SMAD9: variants seen among roughly 807,000 people sequenced by gnomAD.
SMAD9 encodes the protein SMAD family member 9, also known as MAD homolog 9.
SMAD9 carries 36 observed loss-of-function variants against 46.1 expected under a neutral mutation model. The observed-to-expected ratio is 0.78, with a 90% CI of 0.60 to 1.03. SMAD9 has a LOEUF of 1.03. Among genes scored for constraint, SMAD9 ranks in the 50% least tolerant of loss-of-function variants. SMAD9 has a pLI of 0.00. For synonymous variants in SMAD9, 245 were observed against 237.1 expected (o/e 1.03, Z -0.31); for missense variants, 572 against 599.8 (o/e 0.95, Z 0.48).
At position 36,879,480 on chromosome 13, in the gene SMAD9, C is replaced by T. The variant is rs755030932; in HGVS notation, c.210G>A (p.Thr70=). The part of the protein sequence containing the change: ...SCPGQPSKCV[T]IPRSLDGRLQ... ...GCCGCCCGTCCAGGGAGCGGGGAAT[C>T]GTGACGCATTTGCTGGGCTGCCCCG... The change falls in exon 2 of 7, where the codon ACG becomes ACA. Residue 70 remains threonine (T), a synonymous_variant. Transcript: ENST00000379826. 8 of 1,613,816 alleles carry T rather than the reference C, an allele frequency of 5.0e-6. No individual in the cohort carries two copies. The highest frequency in any genetic ancestry group is 1.3e-5 in the African/African-American group (1 of 74,948).
intron 1 of SMAD9, 26 bp from the exon 2 acceptor site, chr13:36,879,901 T>C (rs2058387996): frequency 1.7e-6 from 1 of 586,516 alleles, no homozygotes; most frequent in South Asian, 2.0e-5. Context: ...AGACTTCAAT[T>C]AGCTTAATCG....
chr13:36,913,783 C>G (rs557887243), intron 1 of SMAD9, among the ~76,000 whole-genome samples: 10 of 152,270 alleles, frequency 6.6e-5, no homozygotes, highest in African/African-American at 2.2e-4. Context: ...CACTAGAAAA[C>G]AAAGAATGAC....
At chr13:36,877,236 C>T (rs1379745424) in intron 2 of SMAD9, among the ~76,000 whole-genome samples, 2 of 152,114 alleles carry the variant, frequency 1.3e-5, no homozygotes, top group Non-Finnish European at 2.9e-5. Context: ...GTGGCACGTG[C>T]CTGTAGTCCC....
chr13:36,850,528 G>A (rs954925301), intron 6 of SMAD9, among the ~76,000 whole-genome samples: 5 of 152,064 alleles, frequency 3.3e-5, no homozygotes, highest in South Asian at 2.1e-4. Flanking sequence ...ACAGGCACGC[G>A]CCACCACGCC....
At chr13:36,908,354 C>T (rs2058634783) in intron 1 of SMAD9, among the ~76,000 whole-genome samples, 1 of 152,148 alleles carries the variant, frequency 6.6e-6, no homozygotes, top group African/African-American at 2.4e-5. Flanking sequence ...ATACAACAAA[C>T]ATTCCTAGAT....
chr13:36,880,909 A>T (rs1018657638), intron 1 of SMAD9, among the ~76,000 whole-genome samples: 5 of 152,110 alleles, frequency 3.3e-5, no homozygotes, highest in Non-Finnish European at 5.9e-5. Flanking sequence ...TTCAATTTTT[A>T]AAATGGTAAA....
At chr13:36,867,707 T>C (rs924647532) in intron 3 of SMAD9, among the ~76,000 whole-genome samples, 1 of 152,214 alleles carries the variant, frequency 6.6e-6, no homozygotes, top group Admixed American at 6.5e-5. Context: ...GAATAGTCTG[T>C]GATCTGGCTT....
intron 1 of SMAD9, among the ~76,000 whole-genome samples, chr13:36,896,622 CT>C (rs2138607480): frequency 6.6e-6 from 1 of 152,142 alleles, no homozygotes; most frequent in South Asian, 2.1e-4. Flanking sequence ...AATTTTCTTT[CT>C]TCTCTTCCCT....
intron 5 of SMAD9, among the ~76,000 whole-genome samples, chr13:36,859,613 A>C (rs1401056158): frequency 6.6e-6 from 1 of 152,226 alleles, no homozygotes; most frequent in African/African-American, 2.4e-5. Context: ...AAGTTACCCT[A>C]TATGGTCTAA....
chr13:36,848,894 C>CG, intron 6 of SMAD9, 75 bp from the exon 7 acceptor site: 1 of 1,499,592 alleles, frequency 6.7e-7, no homozygotes, highest in Non-Finnish European at 9.2e-7. Flanking sequence ...CAGAGCTCAG[C>CG]GGGGCACAGA....
At chr13:36,899,861 C>A (rs1023513375) in intron 1 of SMAD9, among the ~76,000 whole-genome samples, 4 of 152,002 alleles carry the variant, frequency 2.6e-5, no homozygotes, top group African/African-American at 9.7e-5. Flanking sequence ...TACACTAGTC[C>A]CTCTATTCAT....
At chr13:36,861,447 T>C (rs1162345868) in intron 5 of SMAD9, among the ~76,000 whole-genome samples, 1 of 151,768 alleles carries the variant, frequency 6.6e-6, no homozygotes, top group Non-Finnish European at 1.5e-5. Flanking sequence ...CCTGCGTAGC[T>C]GGTATTACAG....
At chr13:36,893,808 G>C (rs1176180330) in intron 1 of SMAD9, among the ~76,000 whole-genome samples, 2 of 152,046 alleles carry the variant, frequency 1.3e-5, no homozygotes, top group Non-Finnish European at 2.9e-5. Flanking sequence ...TAATGCTTCT[G>C]AGCAGAAGGC....
chr13:36,909,999 CA>C lies in SMAD9; in HGVS notation c.-187+10116del, dbSNP rs572713195. On this transcript the variant is annotated intron_variant, in intron 1 of 6. Coordinates refer to ENST00000379826, the MANE Select transcript of SMAD9 (RefSeq NM_001127217.3). ...GATCACGAGGTCAGGAGATCGAGAC[CA>C]TCCTGGCTAACACGGTGAAACCCCA... Among the ~76,000 whole-genome samples the C allele has an allele frequency of 2.1e-3, 326 of 152,120 alleles. 1 individual carries two copies. The highest frequency in any genetic ancestry group is 7.6e-3 in the African/African-American group (316 of 41,508).
At chr13:36,854,282 T>C (rs1260537690) in intron 5 of SMAD9, among the ~76,000 whole-genome samples, 2 of 152,206 alleles carry the variant, frequency 1.3e-5, no homozygotes, top group African/African-American at 2.4e-5. Context: ...GTTTATTTGT[T>C]CCAAAAATAA....
chr13:36,869,865 A>G lies in SMAD9; in HGVS notation c.671-2482T>C, dbSNP rs188774130. ...AATGGTTAAACAAATTTTGTGTTAGATATATTTCACCACTACTTGAAAAAA... is the reference window on the plus strand; with the variant it reads ...AATGGTTAAACAAATTTTGTGTTAGGTATATTTCACCACTACTTGAAAAAA... On this transcript the variant is annotated intron_variant, in intron 3 of 6. Transcript: ENST00000379826. 7.9e-4 allele frequency among the ~76,000 whole-genome samples: 121 copies of G among 152,238 alleles called. 1 individual carries two copies. In the East Asian group the frequency reaches 0.018, roughly 22 times the overall value.
At position 36,879,531 on chromosome 13, in the gene SMAD9, G is replaced by A. The variant is rs760563456; in HGVS notation, c.159C>T (p.Asp53=). Residue 53 remains aspartate, a synonymous_variant, in exon 2 of 7, where the codon GAC becomes GAT. Coordinates refer to ENST00000379826, the MANE Select transcript of SMAD9 (RefSeq NM_001127217.3). The part of the protein sequence containing the change: ...KKLKKKKGAM[D]ELERALSCPG... Reference sequence around the variant, plus strand: ...GGCAGCTGAGAGCCCTCTCCAGCTCGTCCATGGCTCCCTTCTTCTTCTTTA... The same window carrying A: ...GGCAGCTGAGAGCCCTCTCCAGCTCATCCATGGCTCCCTTCTTCTTCTTTA... 7 of 1,614,184 alleles carry A rather than the reference G, an allele frequency of 4.3e-6. No homozygotes were observed. Among genetic ancestry groups the A allele is most frequent in the South Asian group, 2.2e-5 (2 of 91,088 alleles).
chr13:36,918,574 T>G (rs2058716611), intron 1 of SMAD9, among the ~76,000 whole-genome samples: 1 of 152,232 alleles, frequency 6.6e-6, no homozygotes, highest in Admixed American at 6.5e-5. Flanking sequence ...TCCTTATTTA[T>G]AAAGCGTCAC....
At chr13:36,907,455 G>C (rs2058628401) in intron 1 of SMAD9, among the ~76,000 whole-genome samples, 1 of 152,186 alleles carries the variant, frequency 6.6e-6, no homozygotes, top group Admixed American at 6.5e-5. Flanking sequence ...ATTGCTTGAG[G>C]CCAGAAGTAC....
Sources: gnomAD v4.1 joint callset for allele counts (sites outside exome capture counted in the v4.1 genomes callset) on GRCh38, gnomAD v4.1.1 for gene constraint, MANE v1.5 for transcripts, NCBI Gene and HGNC (gene_info 2026-07-23, HGNC 2026-07-21) for gene names.